The following OR2L13 variants were observed in gnomAD, a reference collection of about 807,000 sequenced individuals.
The protein encoded by OR2L13 is olfactory receptor family 2 subfamily L member 13, also known as olfactory receptor 2L13.
In OR2L13, 14 loss-of-function variants were observed where a neutral mutation model predicts 15.3. The ratio of observed to expected loss-of-function variants is 0.91; its 90% CI spans 0.60 to 1.43. The LOEUF is 1.43. OR2L13 is among the 40% of genes most tolerant of loss of function. OR2L13 has a pLI of 0.00. For missense variants in OR2L13, 367 were observed against 387.9 expected (o/e 0.95, Z 0.45); for synonymous variants, 152 against 142.9 (o/e 1.06, Z -0.45).
chr1:248,041,743 A>G, the OR2L13 span: 11 of 152,348 alleles, frequency 7.2e-5, no homozygotes, highest in Admixed American at 2.0e-4. Context: ...TATGCAGCCA[A>G]AAAACACATG....
At chr1:247,993,036 T>C in the OR2L13 span, among the ~76,000 whole-genome samples, 12 of 143,392 alleles carry the variant, frequency 8.4e-5, no homozygotes, top group Non-Finnish European at 1.4e-4. Flanking sequence ...CAGCATCTGG[T>C]GTTTTTTTTG....
chr1:247,961,127 T>G, the OR2L13 span, among the ~76,000 whole-genome samples: 1 of 152,152 alleles, frequency 6.6e-6, no homozygotes, highest in African/African-American at 2.4e-5. Context: ...GAAACATTTT[T>G]AAAAATCGGG....
the OR2L13 span, among the ~76,000 whole-genome samples, chr1:247,958,388 T>C: frequency 3.7e-4 from 56 of 152,276 alleles, no homozygotes; most frequent in Non-Finnish European, 4.9e-4. Flanking sequence ...GGAATAGGTG[T>C]GTTGTGGTGC....
At chr1:248,048,702 G>A in the OR2L13 span, among the ~76,000 whole-genome samples, 4 of 152,114 alleles carry the variant, frequency 2.6e-5, no homozygotes, top group African/African-American at 7.2e-5. Context: ...CTATGTGCAA[G>A]TAACGGAGAT....
At chr1:248,007,432 C>T in the OR2L13 span, among the ~76,000 whole-genome samples, 1 of 152,164 alleles carries the variant, frequency 6.6e-6, no homozygotes, top group Non-Finnish European at 1.5e-5. Flanking sequence ...TGTCTGCACT[C>T]AAGAGGCCAC....
the OR2L13 span, among the ~76,000 whole-genome samples, chr1:247,946,145 G>A: frequency 1.3e-5 from 2 of 152,050 alleles, no homozygotes; most frequent in Non-Finnish European, 2.9e-5. Context: ...GCAATTTTCA[G>A]ATTGTTTATT....
At chr1:248,081,788 AT>A in the OR2L13 span, among the ~76,000 whole-genome samples, 3 of 152,184 alleles carry the variant, frequency 2.0e-5, no homozygotes, top group Non-Finnish European at 2.9e-5. Context: ...CTCTTGAGAC[AT>A]GGGCTCAGGA....
the OR2L13 span, among the ~76,000 whole-genome samples, chr1:248,043,463 G>A: frequency 3.3e-5 from 5 of 152,316 alleles, no homozygotes; most frequent in East Asian, 9.6e-4. Flanking sequence ...GATACTTGGA[G>A]AAATATTCAT....
At chr1:248,083,564 TA>T in the OR2L13 span, 1 of 1,053,800 alleles carries the variant, frequency 9.5e-7, no homozygotes, top group Non-Finnish European at 1.4e-6. Context: ...CATGAACTAC[TA>T]AAGGGAGAGA....
the OR2L13 span, among the ~76,000 whole-genome samples, chr1:247,947,302 A>G: frequency 6.6e-6 from 1 of 152,246 alleles, no homozygotes; most frequent in Admixed American, 6.5e-5. Flanking sequence ...GTATTTATGC[A>G]TATGACTGTG....
chr1:247,990,267 A>G, the OR2L13 span: 1 of 898,442 alleles, frequency 1.1e-6, no homozygotes, highest in Non-Finnish European at 1.9e-6. Context: ...TGAATGCTCC[A>G]TGGAAAATTA....
the OR2L13 span, among the ~76,000 whole-genome samples, chr1:248,073,962 C>A: frequency 7.6e-4 from 115 of 151,934 alleles, no homozygotes; most frequent in African/African-American, 2.7e-3. Context: ...GAAAAGCCCA[C>A]TAATTGTATA....
At chr1:247,990,554 G>A in the OR2L13 span, 7 of 1,565,448 alleles carry the variant, frequency 4.5e-6, no homozygotes, top group African/African-American at 9.5e-5. Flanking sequence ...TTCACTGGGT[G>A]TGGGATTCAG....
chr1:247,963,277 G>T, the OR2L13 span, among the ~76,000 whole-genome samples: 1 of 152,166 alleles, frequency 6.6e-6, no homozygotes, highest in Non-Finnish European at 1.5e-5. Context: ...CACCTTTTCA[G>T]ACCATATAGG....
chr1:248,073,226 C>G, the OR2L13 span, among the ~76,000 whole-genome samples: 3 of 149,820 alleles, frequency 2.0e-5, no homozygotes, highest in Non-Finnish European at 4.5e-5. Context: ...GCAACCAACC[C>G]AAATGTCCAA....
At chr1:248,055,925 T>C in the OR2L13 span, 3 of 152,230 alleles carry the variant, frequency 2.0e-5, no homozygotes, top group African/African-American at 7.2e-5. Context: ...TGGTAAGCTA[T>C]TTATTATTGC....
chr1:248,035,224 G>C, the OR2L13 span, among the ~76,000 whole-genome samples: 1 of 152,022 alleles, frequency 6.6e-6, no homozygotes, highest in Non-Finnish European at 1.5e-5. Context: ...GCCGAGATGG[G>C]CGGATCACGA....
chr1:248,000,528 GC>G, the OR2L13 span, among the ~76,000 whole-genome samples: 4 of 152,140 alleles, frequency 2.6e-5, no homozygotes, highest in Non-Finnish European at 4.4e-5. Flanking sequence ...ACGCAATGAT[GC>G]TTTTTGACTT....
chr1:247,965,584 G>C, the OR2L13 span: 3 of 1,594,422 alleles, frequency 1.9e-6, no homozygotes, highest in South Asian at 3.5e-5. Context: ...CTCCATCGTT[G>C]ACCTCATGTA....
Sources: allele counts gnomAD v4.1 joint callset (sites outside exome capture counted in the v4.1 genomes callset), GRCh38; gene constraint gnomAD v4.1.1; transcripts MANE v1.5; gene names NCBI Gene and HGNC (gene_info 2026-07-23, HGNC 2026-07-21).